The following PLCXD3 variants were observed in gnomAD, a reference collection of about 807,000 sequenced individuals.
The protein encoded by PLCXD3 is PI-PLC X domain-containing protein 3.
Under a neutral mutation model 25.5 loss-of-function variants are expected in PLCXD3, and 19 were observed. The ratio of observed to expected loss-of-function variants is 0.75; its 90% CI spans 0.52 to 1.09. The LOEUF (loss-of-function observed/expected upper bound fraction) is 1.09, where lower values mean the gene tolerates loss of function less well. Among genes scored for constraint, PLCXD3 ranks in the 50% least tolerant of loss-of-function variants. PLCXD3 has a pLI of 0.00. For synonymous variants in PLCXD3, 174 were observed against 137.6 expected (o/e 1.26, Z -1.85); for missense variants, 411 against 388.1 (o/e 1.06, Z -0.50).
At chr5:41,419,184 A>G (rs1746759579) in intron 1 of PLCXD3, among the ~76,000 whole-genome samples, 1 of 152,160 alleles carries the variant, frequency 6.6e-6, no homozygotes, top group Admixed American at 6.5e-5. Flanking sequence ...TTCCAGAGAG[A>G]AAATAGGAAG....
intron 1 of PLCXD3, among the ~76,000 whole-genome samples, chr5:41,396,642 G>A (rs1287316918): frequency 6.6e-6 from 1 of 152,184 alleles, no homozygotes; most frequent in Non-Finnish European, 1.5e-5. Context: ...ATCAGAAGAA[G>A]ACAGGAAAAT....
intron 1 of PLCXD3, among the ~76,000 whole-genome samples, chr5:41,471,133 C>T (rs1187475466): frequency 6.6e-6 from 1 of 152,108 alleles, no homozygotes; most frequent in Non-Finnish European, 1.5e-5. Context: ...ATAGAAGGCT[C>T]CACTGATAGT....
intron 1 of PLCXD3, among the ~76,000 whole-genome samples, chr5:41,383,201 C>G (rs1002238679): frequency 1.6e-4 from 25 of 152,004 alleles, no homozygotes; most frequent in African/African-American, 6.0e-4. Flanking sequence ...TGCAAGTCAA[C>G]AGCATTTAAA....
intron 1 of PLCXD3, among the ~76,000 whole-genome samples, chr5:41,465,386 T>TTTTTTTTTTTTTTTTTTTG (rs1747994262): frequency 8.5e-6 from 1 of 117,076 alleles, no homozygotes; most frequent in Non-Finnish European, 1.8e-5. Flanking sequence ...TTTTTTTTTT[T>TTTTTTTTTTTTTTTTTTTG]GCATTTCTAC....
chr5:41,490,872 T>C (rs1748651924), intron 1 of PLCXD3, among the ~76,000 whole-genome samples: 1 of 152,224 alleles, frequency 6.6e-6, no homozygotes, highest in Non-Finnish European at 1.5e-5. Flanking sequence ...TTGTTGATCC[T>C]TTCAAGAAAC....
intron 1 of PLCXD3, among the ~76,000 whole-genome samples, chr5:41,499,925 A>C (rs1010983724): frequency 6.6e-6 from 1 of 151,870 alleles, no homozygotes; most frequent in African/African-American, 2.4e-5. Flanking sequence ...GAAACTAGAT[A>C]TCCACATGAG....
intron 1 of PLCXD3, among the ~76,000 whole-genome samples, chr5:41,457,636 G>A (rs562101784): frequency 6.6e-6 from 1 of 151,904 alleles, no homozygotes; most frequent in East Asian, 1.9e-4. Flanking sequence ...CAGAGAAGTG[G>A]GACTATATTC....
intron 2 of PLCXD3, among the ~76,000 whole-genome samples, chr5:41,364,747 G>T (rs1744888347): frequency 6.6e-6 from 1 of 152,134 alleles, no homozygotes; most frequent in African/African-American, 2.4e-5. Context: ...TTGTTAGAAG[G>T]TTGCTCCTCA....
intron 1 of PLCXD3, among the ~76,000 whole-genome samples, chr5:41,409,754 G>T (rs1561264870): frequency 6.6e-6 from 1 of 152,120 alleles, no homozygotes; most frequent in Non-Finnish European, 1.5e-5. Flanking sequence ...CTAAATATTT[G>T]TTGCATGAAA....
At chr5:41,459,421 A>C (rs1356747672) in intron 1 of PLCXD3, among the ~76,000 whole-genome samples, 2 of 151,896 alleles carry the variant, frequency 1.3e-5, no homozygotes, top group African/African-American at 4.8e-5. Context: ...CAATCAAGAC[A>C]ACCTGGGACC....
At chr5:41,394,734 A>T (rs1745944761) in intron 1 of PLCXD3, among the ~76,000 whole-genome samples, 1 of 152,228 alleles carries the variant, frequency 6.6e-6, no homozygotes, top group South Asian at 2.1e-4. Flanking sequence ...TCACTATATA[A>T]TGATAAAAGT....
intron 2 of PLCXD3, among the ~76,000 whole-genome samples, chr5:41,321,783 AC>A (rs1435811115): frequency 6.6e-6 from 1 of 152,186 alleles, no homozygotes; most frequent in Non-Finnish European, 1.5e-5. Flanking sequence ...TTTACGGTCA[AC>A]TCACTTTTGA....
chr5:41,438,082 C>G (rs964167811), intron 1 of PLCXD3, among the ~76,000 whole-genome samples: 2 of 152,054 alleles, frequency 1.3e-5, no homozygotes, highest in Admixed American at 6.6e-5. Flanking sequence ...GTTTGTTCTG[C>G]CTTAAGTTGT....
At chr5:41,345,010 C>T (rs1483485883) in intron 2 of PLCXD3, among the ~76,000 whole-genome samples, 1 of 152,098 alleles carries the variant, frequency 6.6e-6, no homozygotes, top group Non-Finnish European at 1.5e-5. Context: ...AGCATAATTA[C>T]AAACTGGTTC....
chr5:41,366,948 T>C (rs1215985764), intron 2 of PLCXD3, among the ~76,000 whole-genome samples: 1 of 152,228 alleles, frequency 6.6e-6, no homozygotes, highest in Non-Finnish European at 1.5e-5. Flanking sequence ...GTTTTATCCA[T>C]GTCCCTGCAA....
At chr5:41,493,792 G>A (rs1233718201) in intron 1 of PLCXD3, among the ~76,000 whole-genome samples, 1 of 152,212 alleles carries the variant, frequency 6.6e-6, no homozygotes, top group Non-Finnish European at 1.5e-5. Context: ...CGTCGGAAAA[G>A]CGCAGTATTG....
At position 41,309,444 on chromosome 5, in the gene PLCXD3, T is replaced by C. The variant is rs1434617441; in HGVS notation, c.*4173A>G. The stretch of plus-strand genomic sequence containing the variant: ...ATGCTCTTAAAAACCTTGTTTAGCA[T>C]ATCCTGAGGACACTGTGCATTATTT... On this transcript the variant is annotated 3_prime_UTR_variant, in exon 3 of 3. Coordinates refer to ENST00000377801, the MANE Select transcript of PLCXD3 (RefSeq NM_001005473.3). 2 of 152,588 alleles carry C rather than the reference T, an allele frequency of 1.3e-5. No homozygotes were observed. The highest frequency in any genetic ancestry group is 3.8e-4 in the East Asian group (2 of 5,200). The allele number at this position is 152,588 out of a possible 1,614,324, so 9.5% of individuals were successfully genotyped here. A position where few individuals can be genotyped will look rare whatever the true frequency, so the allele number is the denominator to read the frequency against.
At chr5:41,497,198 A>G (rs1748860506) in intron 1 of PLCXD3, among the ~76,000 whole-genome samples, 1 of 151,912 alleles carries the variant, frequency 6.6e-6, no homozygotes, top group Non-Finnish European at 1.5e-5. Context: ...CTAACAAGAC[A>G]GCAATAGTAA....
At chr5:41,330,475 G>A (rs1398965605) in intron 2 of PLCXD3, among the ~76,000 whole-genome samples, 1 of 152,082 alleles carries the variant, frequency 6.6e-6, no homozygotes, top group East Asian at 1.9e-4. Context: ...ACCAAAAAGA[G>A]TCCAGGACCA....
Sources: allele counts gnomAD v4.1 joint callset (sites outside exome capture counted in the v4.1 genomes callset), GRCh38; gene constraint gnomAD v4.1.1; transcripts MANE v1.5; gene names NCBI Gene and HGNC (gene_info 2026-07-23, HGNC 2026-07-21).